The following ACAD10 variants were observed in gnomAD, a reference collection of about 807,000 sequenced individuals.
The protein encoded by ACAD10 is acyl-CoA dehydrogenase family member 10.
A neutral mutation model predicts 116.8 loss-of-function variants in ACAD10; 112 were observed. The observed-to-expected ratio is 0.96, with a 90% CI of 0.82 to 1.12. The LOEUF (loss-of-function observed/expected upper bound fraction) is 1.12, where lower values mean the gene tolerates loss of function less well. ACAD10 is among the 50% of genes most tolerant of loss of function. The pLI, the probability that ACAD10 is intolerant of heterozygous loss-of-function variation, is 0.00. For synonymous variants in ACAD10, 486 were observed against 510.6 expected, an observed-to-expected ratio of 0.95 and a Z score of 0.65; for missense variants, 1,259 against 1,350.2, an observed-to-expected ratio of 0.93 and a Z score of 1.06.
chr12:111,709,045 CAAA>C (rs201551045), intron 4 of ACAD10, among the ~76,000 whole-genome samples: 1 of 126,312 alleles, frequency 7.9e-6, no homozygotes, highest in Non-Finnish European at 1.7e-5. Flanking sequence ...CTTCTTTCTG[CAAA>C]AAAAAAAAAA....
At chr12:111,710,804 G>A (rs1411719954) in intron 5 of ACAD10, among the ~76,000 whole-genome samples, 2 of 152,022 alleles carry the variant, frequency 1.3e-5, no homozygotes, top group Non-Finnish European at 1.5e-5. Context: ...TTGAGATGAG[G>A]TCTTGCTAGG....
At chr12:111,740,212 C>G (rs1480199305) in intron 12 of ACAD10, among the ~76,000 whole-genome samples, 1 of 152,086 alleles carries the variant, frequency 6.6e-6, no homozygotes, top group Non-Finnish European at 1.5e-5. Context: ...GCCGGTAATC[C>G]TAGCACACTG....
At chr12:111,713,033 G>C (rs1888734714) in intron 6 of ACAD10, among the ~76,000 whole-genome samples, 2 of 151,978 alleles carry the variant, frequency 1.3e-5, no homozygotes, top group South Asian at 4.2e-4. Flanking sequence ...ACATCGGCAG[G>C]CGGGTGCGGT....
At chr12:111,723,195 GA>G (rs1889081522) in intron 8 of ACAD10, among the ~76,000 whole-genome samples, 2 of 133,904 alleles carry the variant, frequency 1.5e-5, no homozygotes, top group Non-Finnish European at 3.2e-5. Context: ...GTGGGGGGCT[GA>G]CCCCCCCTCC....
chr12:111,711,471 A>G (rs2135957449), intron 5 of ACAD10, among the ~76,000 whole-genome samples: 1 of 151,124 alleles, frequency 6.6e-6, no homozygotes. Flanking sequence ...GGCCTCCCAA[A>G]GTACTGGGAT....
At chr12:111,740,487 C>T (rs558285107) in intron 12 of ACAD10, among the ~76,000 whole-genome samples, 5 of 139,394 alleles carry the variant, frequency 3.6e-5, no homozygotes, top group Non-Finnish European at 6.1e-5. Flanking sequence ...AGGCCAGGTG[C>T]GGTGGCTCAT....
chr12:111,723,027 C>A (rs1230130739), intron 8 of ACAD10, among the ~76,000 whole-genome samples: 5 of 145,254 alleles, frequency 3.4e-5, no homozygotes, highest in Non-Finnish European at 4.6e-5. Flanking sequence ...GACCCCCCCC[C>A]ACCTCCCTCC....
chr12:111,746,422 C>G (rs1215693320), intron 14 of ACAD10, 138 bp downstream of exon 14: 7 of 981,980 alleles, frequency 7.1e-6, no homozygotes, highest in Non-Finnish European at 9.8e-6. Context: ...GAGTCTCGCT[C>G]TGTCACCCAG....
At chr12:111,693,546 A>C (rs1380527476) in intron 2 of ACAD10, among the ~76,000 whole-genome samples, 6 of 152,004 alleles carry the variant, frequency 3.9e-5, no homozygotes, top group African/African-American at 9.7e-5. Flanking sequence ...TCAAAAACAA[A>C]CAACCAAAAA....
At chr12:111,692,122 C>T (rs905086061) in intron 1 of ACAD10, among the ~76,000 whole-genome samples, 1 of 152,158 alleles carries the variant, frequency 6.6e-6, no homozygotes, top group Non-Finnish European at 1.5e-5. Context: ...GCATGCGCCA[C>T]CATGCCCGGC....
At chr12:111,710,499 T>A in intron 5 of ACAD10, 1 of 197,848 alleles carries the variant, frequency 5.1e-6, no homozygotes. Flanking sequence ...ATTGTGAAAT[T>A]TTTTTTTTTT....
At chr12:111,697,362 CTTTTTT>C (rs1160985539) in intron 2 of ACAD10, among the ~76,000 whole-genome samples, 1 of 135,364 alleles carries the variant, frequency 7.4e-6, no homozygotes, top group Non-Finnish European at 1.6e-5. Flanking sequence ...TTTTCTTTTC[CTTTTTT>C]TTTTTTTTTT....
intron 6 of ACAD10, 180 bp from the exon 7 acceptor site, chr12:111,715,641 C>T (rs1029263641): frequency 3.5e-5 from 24 of 688,248 alleles, no homozygotes; most frequent in African/African-American, 2.5e-4. Flanking sequence ...CCTGAGTTGG[C>T]GGAGTGTAGA....
At chr12:111,728,794 AT>A (rs1371293379) in intron 9 of ACAD10, among the ~76,000 whole-genome samples, 1 of 152,030 alleles carries the variant, frequency 6.6e-6, no homozygotes, top group Non-Finnish European at 1.5e-5. Flanking sequence ...GGCTCAAGCA[AT>A]CCTCCTGCCT....
rs1889468891 is a variant in ACAD10, at chr12:111,733,782, C to G, written c.1395-141C>G. On this transcript the variant is annotated intron_variant, in intron 10 of 20. Coordinates refer to ENST00000313698, the MANE Select transcript of ACAD10 (RefSeq NM_025247.6). ...AGGGCAAGGGAGCCTTTGGAGCACACAGCCCAGGGAGCTCAGGCACCCGGG... is the reference window on the plus strand; with the variant it reads ...AGGGCAAGGGAGCCTTTGGAGCACAGAGCCCAGGGAGCTCAGGCACCCGGG... 19 of 982,484 alleles carry G rather than the reference C, an allele frequency of 1.9e-5. No homozygotes were observed. In the South Asian group the frequency reaches 2.9e-4, roughly 15 times the overall value. 60.9% of individuals were successfully genotyped at this position (982,484 alleles called of 1,614,324 possible).
In ACAD10 at chr12:111,756,878, T is replaced by G. The variant is rs1593061726; in HGVS notation, c.*405T>G. 1 of 460,004 alleles carries G rather than the reference T, an allele frequency of 2.2e-6. No individual in the cohort carries two copies. Among genetic ancestry groups the G allele is most frequent in the Non-Finnish European group, 4.4e-6 (1 of 229,648 alleles). The allele number at this position is 460,004 out of a possible 1,614,324, so 28.5% of individuals were successfully genotyped here. A position where few individuals can be genotyped will look rare whatever the true frequency, so the allele number is the denominator to read the frequency against. On this transcript the variant is annotated 3_prime_UTR_variant, in exon 21 of 21. Coordinates refer to ENST00000313698, the MANE Select transcript of ACAD10 (RefSeq NM_025247.6). ...CGTGCTTGCTCTGGCAGCTGCAGGG[T>G]TCCTGTCTGGCCTCCCTGGTGAGCA...
chr12:111,720,469 G>A (rs1443367351), intron 7 of ACAD10, among the ~76,000 whole-genome samples: 1 of 152,014 alleles, frequency 6.6e-6, no homozygotes, highest in Non-Finnish European at 1.5e-5. Flanking sequence ...TCGAAGCTCT[G>A]TTGTTTAGCA....
chr12:111,692,732 A>T lies in ACAD10; in HGVS notation c.23A>T (p.Gln8Leu). Residue 8 changes from glutamine (Q) to leucine (L), a missense_variant, in exon 2 of 21, where the codon CAG (glutamine) becomes CTG (leucine). Gln to Leu is a moderately radical substitution (Grantham distance 113, BLOSUM62 -2). Coordinates refer to ENST00000313698, the MANE Select transcript of ACAD10 (RefSeq NM_025247.6). ...ACCATGTGTGTCAGGAGCTGTTTCCAGTCCCCCCGTCTCCAGTGGGTGTGG... is the reference window on the plus strand; with the variant it reads ...ACCATGTGTGTCAGGAGCTGTTTCCTGTCCCCCCGTCTCCAGTGGGTGTGG... MCVRSCFQSPRLQWVWRT... is the reference protein window; with the variant it reads MCVRSCFLSPRLQWVWRT... 6.2e-7 allele frequency: 1 copy of T among 1,614,086 alleles called. No homozygotes were observed. The highest frequency in any genetic ancestry group is 2.2e-5 in the East Asian group (1 of 44,884).
In ACAD10 at chr12:111,692,721, G is replaced by A; in HGVS notation, c.12G>A (p.Arg4=). ...GCCTCAGCCTCACCATGTGTGTCAG[G>A]AGCTGTTTCCAGTCCCCCCGTCTCC... The part of the protein sequence containing the change: MCV[R]SCFQSPRLQW... The change falls in exon 2 of 21, where the codon AGG becomes AGA. Residue 4 remains arginine (R), a synonymous_variant. Coordinates refer to ENST00000313698, the MANE Select transcript of ACAD10 (RefSeq NM_025247.6). The A allele has an allele frequency of 6.2e-7, 1 of 1,613,802 alleles. No individual in the cohort carries two copies. The highest frequency in any genetic ancestry group is 8.5e-7 in the Non-Finnish European group (1 of 1,179,928).
Sources: allele counts gnomAD v4.1 joint callset (sites outside exome capture counted in the v4.1 genomes callset), GRCh38; gene constraint gnomAD v4.1.1; transcripts MANE v1.5; gene names NCBI Gene and HGNC (gene_info 2026-07-23, HGNC 2026-07-21).